The following FERMT2 variants were observed in gnomAD, a reference collection of about 807,000 sequenced individuals.
FERMT2 encodes the protein fermitin family homolog 2.
FERMT2 carries 15 observed loss-of-function variants against 82.7 expected under a neutral mutation model. The ratio of observed to expected loss-of-function variants is 0.18; its 90% CI spans 0.12 to 0.28. The LOEUF is 0.28. FERMT2 is among the 10% of genes least tolerant of loss of function. The probability of loss-of-function intolerance (pLI) is 1.00; values close to 1 mark genes in which losing one functional copy is unlikely to be tolerated. For synonymous variants in FERMT2, 274 were observed against 271.5 expected, an observed-to-expected ratio of 1.01 and a Z score of -0.09; for missense variants, 645 against 809.4, an observed-to-expected ratio of 0.80 and a Z score of 2.46.
At chr14:52,944,355 A>G (rs1246852541) in intron 2 of FERMT2, among the ~76,000 whole-genome samples, 2 of 152,238 alleles carry the variant, frequency 1.3e-5, no homozygotes, top group Non-Finnish European at 2.9e-5. Flanking sequence ...TGTAGGCATT[A>G]ATTTCCATGA....
At chr14:52,918,051 T>G (rs1196317606) in intron 3 of FERMT2, among the ~76,000 whole-genome samples, 1 of 152,230 alleles carries the variant, frequency 6.6e-6, no homozygotes, top group African/African-American at 2.4e-5. Flanking sequence ...TTTAAAACAT[T>G]TGAAAATGTT....
chr14:52,938,660 A>G (rs951045958), intron 2 of FERMT2, among the ~76,000 whole-genome samples: 2 of 152,024 alleles, frequency 1.3e-5, no homozygotes, highest in Non-Finnish European at 2.9e-5. Context: ...TCCACCTCCC[A>G]GGTTCAAGTG....
chr14:52,885,312 CAAAAAAAAAAA>C (rs1181582996), intron 4 of FERMT2, among the ~76,000 whole-genome samples: 18 of 61,076 alleles, frequency 2.9e-4, no homozygotes, highest in African/African-American at 7.9e-4. Context: ...GACTTAGTCT[CAAAAAAAAAAA>C]AAAAAAAAAA....
rs146049119 is a variant in FERMT2, at chr14:52,879,536, A to T, written c.856-847T>A. ...GTATTTTAGAACGTTGACAAAATAC[A>T]TCTCCATTCCCCTCACAAATGTAAC... On this transcript the variant is annotated intron_variant, in intron 6 of 14. Transcript: ENST00000341590. 2.3e-3 allele frequency among the ~76,000 whole-genome samples: 345 copies of T among 152,310 alleles called. 2 individuals carry two copies. The highest frequency in any genetic ancestry group is 8.2e-3 in the African/African-American group (342 of 41,574).
intron 2 of FERMT2, among the ~76,000 whole-genome samples, chr14:52,932,927 A>C (rs1050830556): frequency 2.0e-5 from 3 of 152,244 alleles, no homozygotes; most frequent in African/African-American, 7.2e-5. Flanking sequence ...AAAAACAGGA[A>C]AAGAATACCC....
At chr14:52,948,300 T>A (rs540238015) in intron 2 of FERMT2, among the ~76,000 whole-genome samples, 1 of 152,266 alleles carries the variant, frequency 6.6e-6, no homozygotes, top group Non-Finnish European at 1.5e-5. Flanking sequence ...TACAAAGTTC[T>A]TTTCTAATTT....
Position 52,893,369 on chromosome 14 carries a change from T to C in FERMT2, c.450A>G (p.Lys150=). The part of the protein sequence containing the change: ...LLKKPRDPTK[K]KKKKLDDQSE... ...ACTGGTCATCTAGCTTCTTCTTTTTTTTCTTTGTTGGATCTCTGGGTTTCT... is the reference window on the plus strand; with the variant it reads ...ACTGGTCATCTAGCTTCTTCTTTTTCTTCTTTGTTGGATCTCTGGGTTTCT... Residue 150 remains lysine, a synonymous_variant, in exon 4 of 15, where the codon AAA becomes AAG. Transcript: ENST00000341590. 4 of 1,613,232 alleles carry C rather than the reference T, an allele frequency of 2.5e-6. No individual in the cohort carries two copies. The highest frequency in any genetic ancestry group is 3.4e-6 in the Non-Finnish European group (4 of 1,179,620).
At chr14:52,939,192 T>TAAAAAAAAAAA (rs34395615) in intron 2 of FERMT2, among the ~76,000 whole-genome samples, 1 of 86,036 alleles carries the variant, frequency 1.2e-5, no homozygotes. Context: ...CCATCTCTAC[T>TAAAAAAAAAAA]AAAAAAAAAA....
At chr14:52,900,757 C>T (rs1887575922) in intron 3 of FERMT2, among the ~76,000 whole-genome samples, 1 of 152,066 alleles carries the variant, frequency 6.6e-6, no homozygotes, top group Admixed American at 6.5e-5. Context: ...CCCCAGCATC[C>T]CTTTCCTGTT....
At chr14:52,890,729 G>A (rs1479834400) in intron 4 of FERMT2, among the ~76,000 whole-genome samples, 1 of 151,110 alleles carries the variant, frequency 6.6e-6, no homozygotes, top group African/African-American at 2.4e-5. Context: ...TCAGCCTCCA[G>A]AGTAGCTGGG....
chr14:52,901,174 C>T (rs968130869), intron 3 of FERMT2, among the ~76,000 whole-genome samples: 3 of 145,600 alleles, frequency 2.1e-5, no homozygotes, highest in South Asian at 2.2e-4. Flanking sequence ...CCAGCTACTC[C>T]GGAGGCTGAG....
At chr14:52,902,868 CAAAAAA>C (rs1252336097) in intron 3 of FERMT2, among the ~76,000 whole-genome samples, 1 of 5,546 alleles carries the variant, frequency 1.8e-4, no homozygotes, top group African/African-American at 5.8e-4. Context: ...GACTCCGTCT[CAAAAAA>C]AAAAAAAAAA....
chr14:52,870,705 C>A (rs1050465151), intron 10 of FERMT2, among the ~76,000 whole-genome samples: 1 of 152,148 alleles, frequency 6.6e-6, no homozygotes, highest in Non-Finnish European at 1.5e-5. Flanking sequence ...GTCAGCTATA[C>A]CATCATGGTT....
intron 8 of FERMT2, 27 bp from the exon 9 acceptor site, chr14:52,874,253 A>T: frequency 2.0e-6 from 3 of 1,484,788 alleles, no homozygotes; most frequent in Non-Finnish European, 2.7e-6. Flanking sequence ...TCCTTTTTTA[A>T]TTTTTTTAAT....
At chr14:52,934,820 C>G (rs755104936) in intron 2 of FERMT2, among the ~76,000 whole-genome samples, 6 of 152,178 alleles carry the variant, frequency 3.9e-5, no homozygotes, top group Non-Finnish European at 8.8e-5. Context: ...TTGGTCAACT[C>G]TTTCAATTAT....
chr14:52,926,952 C>A (rs1184569925), intron 2 of FERMT2, among the ~76,000 whole-genome samples: 1 of 152,058 alleles, frequency 6.6e-6, no homozygotes, highest in Non-Finnish European at 1.5e-5. Context: ...ATTTCTGTGT[C>A]CCTCCTCCCT....
chr14:52,883,151 T>G (rs1886388856), intron 4 of FERMT2, among the ~76,000 whole-genome samples: 1 of 151,924 alleles, frequency 6.6e-6, no homozygotes, highest in Non-Finnish European at 1.5e-5. Context: ...AGACTCTATC[T>G]CAAACAAACA....
intron 2 of FERMT2, among the ~76,000 whole-genome samples, chr14:52,933,650 T>C (rs1309273081): frequency 7.8e-5 from 10 of 128,444 alleles, no homozygotes; most frequent in African/African-American, 1.5e-4. Context: ...GTGGAGGTTG[T>C]GGTGAGCCGA....
intron 4 of FERMT2, among the ~76,000 whole-genome samples, chr14:52,892,456 G>GTTTTTTTTTTTTTTT (rs11281193): frequency 7.5e-6 from 1 of 133,388 alleles, no homozygotes; most frequent in African/African-American, 2.9e-5. Flanking sequence ...GCTGTTTTTT[G>GTTTTTTTTTTTTTTT]TTTTTTTTTT....
Sources: allele counts gnomAD v4.1 joint callset (sites outside exome capture counted in the v4.1 genomes callset), GRCh38; gene constraint gnomAD v4.1.1; transcripts MANE v1.5; gene names NCBI Gene and HGNC (gene_info 2026-07-23, HGNC 2026-07-21).